ATXN7L1: variants seen among roughly 807,000 people sequenced by gnomAD.
ATXN7L1 encodes ataxin-7-like protein 1.
In ATXN7L1, 15 loss-of-function variants were observed where a neutral mutation model predicts 70.8. That is an observed-to-expected ratio of 0.21 (90% CI 0.14 to 0.33). The LOEUF is 0.33. Ranked by LOEUF, ATXN7L1 falls within the 10% of genes least tolerant of loss-of-function variation. The probability of loss-of-function intolerance (pLI) is 1.00; values close to 1 mark genes in which losing one functional copy is unlikely to be tolerated. For missense variants in ATXN7L1, 975 were observed against 1,097.1 expected, an observed-to-expected ratio of 0.89 and a Z score of 1.57; for synonymous variants, 440 against 445.1, an observed-to-expected ratio of 0.99 and a Z score of 0.14.
rs375327796 is a variant in ATXN7L1 at position 105,740,784 on chromosome 7, T to G, written c.355+47820A>C. Among the ~76,000 whole-genome samples the G allele has an allele frequency of 2.6e-5, 2 of 77,926 alleles. 1 individual carries two copies. Among genetic ancestry groups the G allele is most frequent in the Admixed American group, 2.9e-4 (2 of 6,994 alleles). 51.1% of individuals were successfully genotyped at this position (77,926 alleles called of 152,430 possible). A position where few individuals can be genotyped will look rare whatever the true frequency, so the allele number is the denominator to read the frequency against. On this transcript the variant is annotated intron_variant, in intron 3 of 11. Coordinates refer to ENST00000419735, the MANE Select transcript of ATXN7L1 (RefSeq NM_020725.2). ...GGCTCCATTCATTTTTTTTTTTTTTTAATGGAGTCTCACTCTGTCGCCCAG... is the reference window on the plus strand; with the variant it reads ...GGCTCCATTCATTTTTTTTTTTTTTGAATGGAGTCTCACTCTGTCGCCCAG...
chr7:105,693,480 T>C (rs1244711470), intron 3 of ATXN7L1, among the ~76,000 whole-genome samples: 1 of 152,178 alleles, frequency 6.6e-6, no homozygotes, highest in East Asian at 1.9e-4. Context: ...CTTGAGCTAC[T>C]GTGTCTGACC....
chr7:105,609,225 A>G (rs1176053887), intron 11 of ATXN7L1, among the ~76,000 whole-genome samples: 1 of 151,778 alleles, frequency 6.6e-6, no homozygotes, highest in African/African-American at 2.4e-5. Flanking sequence ...GCTGGAGTGC[A>G]ATGGTGCGAT....
At chr7:105,631,361 C>A (rs1562924366) in intron 7 of ATXN7L1, among the ~76,000 whole-genome samples, 1 of 152,150 alleles carries the variant, frequency 6.6e-6, no homozygotes, top group Non-Finnish European at 1.5e-5. Flanking sequence ...CTAAATACAG[C>A]TCAAGAGTTA....
rs528212759 is a variant in ATXN7L1, at chr7:105,631,708, C to T, written c.1202+6645G>A. Among the ~76,000 whole-genome samples, 5 of 152,362 alleles carry T rather than the reference C, an allele frequency of 3.3e-5. No homozygotes were observed. In the East Asian group the frequency reaches 9.6e-4, roughly 29 times the overall value. ...TCTCGAATTCCTGGCCTCAAGTGATCTGCCTCCCTGGGCCTTCCAAAGTGC... is the reference window on the plus strand; with the variant it reads ...TCTCGAATTCCTGGCCTCAAGTGATTTGCCTCCCTGGGCCTTCCAAAGTGC... On this transcript the variant is annotated intron_variant, in intron 7 of 11. Coordinates refer to ENST00000419735, the MANE Select transcript of ATXN7L1 (RefSeq NM_020725.2).
At chr7:105,786,326 AG>A (rs1352465930) in intron 3 of ATXN7L1, among the ~76,000 whole-genome samples, 1 of 152,070 alleles carries the variant, frequency 6.6e-6, no homozygotes, top group Non-Finnish European at 1.5e-5. Flanking sequence ...CAAGAGCCCC[AG>A]GGTTGGGGGA....
chr7:105,873,930 T>C (rs192739625), intron 2 of ATXN7L1, among the ~76,000 whole-genome samples: 1 of 151,972 alleles, frequency 6.6e-6, no homozygotes, highest in East Asian at 1.9e-4. Context: ...ATCAAGACCA[T>C]CCTGGCCAAC....
intron 3 of ATXN7L1, among the ~76,000 whole-genome samples, chr7:105,730,738 A>G (rs902426281): frequency 1.1e-4 from 17 of 152,320 alleles, no homozygotes; most frequent in African/African-American, 3.6e-4. Context: ...TCTCGAAAAA[A>G]AAAAGAAAAA....
At chr7:105,823,171 C>A (rs1323310781) in intron 2 of ATXN7L1, among the ~76,000 whole-genome samples, 1 of 151,908 alleles carries the variant, frequency 6.6e-6, no homozygotes, top group East Asian at 1.9e-4. Context: ...TAAACCACAA[C>A]CTTGTGAAGT....
At chr7:105,681,251 C>T (rs1805514738) in intron 3 of ATXN7L1, among the ~76,000 whole-genome samples, 1 of 152,106 alleles carries the variant, frequency 6.6e-6, no homozygotes, top group Admixed American at 6.6e-5. Context: ...ATGTTGAAAC[C>T]CCATCTCTAC....
At chr7:105,766,168 A>C (rs1732896644) in intron 3 of ATXN7L1, among the ~76,000 whole-genome samples, 1 of 150,420 alleles carries the variant, frequency 6.6e-6, no homozygotes, top group African/African-American at 2.5e-5. Flanking sequence ...TGGCAACTAG[A>C]TCAGGAGCCC....
At chr7:105,736,711 G>A (rs1797418845) in intron 3 of ATXN7L1, among the ~76,000 whole-genome samples, 2 of 152,156 alleles carry the variant, frequency 1.3e-5, no homozygotes, top group Non-Finnish European at 2.9e-5. Context: ...CCAGAGAGCT[G>A]GAAAACATAT....
chr7:105,778,355 A>AAG, intron 3 of ATXN7L1, among the ~76,000 whole-genome samples: 1 of 151,128 alleles, frequency 6.6e-6, no homozygotes, highest in East Asian at 1.9e-4. Flanking sequence ...AAAAAAAAAA[A>AAG]AAAAAATTAG....
At chr7:105,865,681 G>A (rs1365920181) in intron 2 of ATXN7L1, among the ~76,000 whole-genome samples, 2 of 152,126 alleles carry the variant, frequency 1.3e-5, no homozygotes, top group African/African-American at 4.8e-5. Context: ...GATTACAGGC[G>A]TGAGCCACTG....
At chr7:105,707,259 C>G (rs936307541) in intron 3 of ATXN7L1, among the ~76,000 whole-genome samples, 5 of 152,174 alleles carry the variant, frequency 3.3e-5, no homozygotes, top group African/African-American at 2.4e-5. Flanking sequence ...GGGAGTTAGA[C>G]AGCACACATG....
At chr7:105,781,164 C>T (rs1382308085) in intron 3 of ATXN7L1, among the ~76,000 whole-genome samples, 1 of 152,164 alleles carries the variant, frequency 6.6e-6, no homozygotes, top group East Asian at 1.9e-4. Flanking sequence ...AAGAATTATT[C>T]AGCCCAAAAT....
chr7:105,757,040 C>T (rs1474006794), intron 3 of ATXN7L1, among the ~76,000 whole-genome samples: 1 of 152,122 alleles, frequency 6.6e-6, no homozygotes, highest in Non-Finnish European at 1.5e-5. Flanking sequence ...CAACAGACTA[C>T]AAATACTACC....
intron 3 of ATXN7L1, among the ~76,000 whole-genome samples, chr7:105,766,470 T>C (rs514122): frequency 0.14 from 21,219 of 152,168 alleles, 1,759 homozygotes; most frequent in Admixed American, 0.2. Context: ...ACTACAGACA[T>C]GAGATGTTGA....
intron 3 of ATXN7L1, among the ~76,000 whole-genome samples, chr7:105,705,595 G>A (rs756390875): frequency 6.6e-6 from 1 of 152,042 alleles, no homozygotes; most frequent in Non-Finnish European, 1.5e-5. Context: ...CTGTCTCCAG[G>A]GCACCACTCC....
intron 3 of ATXN7L1, among the ~76,000 whole-genome samples, chr7:105,711,809 C>T (rs1584800459): frequency 6.6e-6 from 1 of 152,376 alleles, no homozygotes; most frequent in East Asian, 1.9e-4. Flanking sequence ...CCTCTTCTCA[C>T]AGCTCCACTA....
Sources: allele counts gnomAD v4.1 joint callset (sites outside exome capture counted in the v4.1 genomes callset), GRCh38; gene constraint gnomAD v4.1.1; transcripts MANE v1.5; gene names NCBI Gene and HGNC (gene_info 2026-07-23, HGNC 2026-07-21).